Variants in CABIN1 observed in about 807,000 individuals in gnomAD.
CABIN1 encodes the protein calcineurin binding protein 1, also known as calcineurin-binding protein cabin-1.
Under a neutral mutation model 227.7 loss-of-function variants are expected in CABIN1, and 133 were observed. That is an observed-to-expected ratio of 0.58 (90% confidence interval 0.51 to 0.67). CABIN1 has a LOEUF of 0.67. Among genes scored for constraint, CABIN1 ranks in the 30% least tolerant of loss-of-function variants. The pLI is 0.00. For synonymous variants in CABIN1, 1,086 were observed against 1,155.1 expected, an observed-to-expected ratio of 0.94 and a Z score of 1.21; for missense variants, 2,408 against 2,852.5, an observed-to-expected ratio of 0.84 and a Z score of 3.55.
intron 29 of CABIN1, among the ~76,000 whole-genome samples, chr22:24,156,805 C>A (rs1402561220): frequency 2.6e-5 from 4 of 152,084 alleles, no homozygotes; most frequent in Non-Finnish European, 5.9e-5. Context: ...GCAGAGTTGG[C>A]GGCGGGGCTC....
chr22:24,125,377 A>T (rs1025697104), intron 28 of CABIN1, among the ~76,000 whole-genome samples: 1 of 152,108 alleles, frequency 6.6e-6, no homozygotes, highest in African/African-American at 2.4e-5. Context: ...CCCTGTTGTG[A>T]GTACAGTATC....
rs145485837 is a variant in CABIN1, at chr22:24,059,378, G to T, written c.1399+15G>T. 7 of 1,613,832 alleles carry T rather than the reference G, an allele frequency of 4.3e-6. No individual in the cohort carries two copies. The highest frequency in any genetic ancestry group is 3.3e-4 in the Middle Eastern group (2 of 6,080). ...CATGGAATCTGGTAGGAATCGAGCA[G>T]TGTGACCATTCACTTTGGGAATTCT... On this transcript the variant is annotated intron_variant, in intron 11 of 36. Transcript: ENST00000263119.
At chr22:24,093,688 G>T (rs1026876805) in intron 24 of CABIN1, among the ~76,000 whole-genome samples, 11 of 152,080 alleles carry the variant, frequency 7.2e-5, no homozygotes, top group African/African-American at 2.4e-4. Flanking sequence ...AGACTAGCGG[G>T]CAACATGATG....
intron 26 of CABIN1, among the ~76,000 whole-genome samples, chr22:24,111,653 T>C (rs2042814664): frequency 6.6e-6 from 1 of 152,232 alleles, no homozygotes. Context: ...GTGTTGAATA[T>C]CTCATGCAAG....
intron 34 of CABIN1, among the ~76,000 whole-genome samples, chr22:24,175,269 G>T (rs527819431): frequency 1.6e-4 from 25 of 152,234 alleles, no homozygotes; most frequent in Non-Finnish European, 2.5e-4. Flanking sequence ...GGCCATGGCC[G>T]CTGAGGCCTC....
At chr22:24,019,398 GGGATTACAGGCGTGAGCCTGTA>G (rs1280646973) in intron 1 of CABIN1, among the ~76,000 whole-genome samples, 1 of 151,598 alleles carries the variant, frequency 6.6e-6, no homozygotes, top group Non-Finnish European at 1.5e-5. Context: ...CCAAAGTGCT[GGGATTACAGGCGTGAGCCTGTA>G]ATTTTTGTAT....
chr22:24,084,420 ATTT>A (rs373405272), intron 20 of CABIN1, among the ~76,000 whole-genome samples, 156 bp from the exon 21 acceptor site: 1 of 145,576 alleles, frequency 6.9e-6, no homozygotes, highest in Admixed American at 6.9e-5. Context: ...TGTAGTGCAG[ATTT>A]TTTTTTTTTA....
intron 19 of CABIN1, among the ~76,000 whole-genome samples, chr22:24,079,420 A>G (rs1439308901): frequency 6.6e-6 from 1 of 151,170 alleles, no homozygotes; most frequent in Non-Finnish European, 1.5e-5. Flanking sequence ...AGATTCCTGT[A>G]AAAGGAACTA....
chr22:24,011,392 A>C (rs1489126909), intron 1 of CABIN1, 25 bp downstream of exon 1: 1 of 152,876 alleles, frequency 6.5e-6, no homozygotes, highest in African/African-American at 2.4e-5. Context: ...GGCTGGTTTG[A>C]AGGCGGTGCC....
In CABIN1 at chr22:24,178,130, G is replaced by T. The variant is rs1451989948; in HGVS notation, c.6597G>T (p.Glu2199Asp). Reference protein sequence around the residue: ...SLCQPALEVLETSSQESSLES... With the variant: ...SLCQPALEVLDTSSQESSLES... ...GCCAGCCAGCCCTGGAGGTCCTGGA[G>T]ACATCCAGCCAGGAGTCCTCGCTGG... Residue 2199 changes from glutamate (E) to aspartate (D), a missense_variant, in exon 37 of 37, where the codon GAG becomes GAT. By Grantham distance (45) the Glu-to-Asp change is conservative. Transcript: ENST00000263119. 6.2e-7 allele frequency: 1 copy of T among 1,613,706 alleles called. No homozygotes were observed. Among genetic ancestry groups the T allele is most frequent in the East Asian group, 2.2e-5 (1 of 44,886 alleles).
chr22:24,159,799 A>C (rs1330330644), intron 29 of CABIN1, among the ~76,000 whole-genome samples: 1 of 151,786 alleles, frequency 6.6e-6, no homozygotes, highest in Non-Finnish European at 1.5e-5. Flanking sequence ...TAATTATGAC[A>C]CCCTGAGGCA....
chr22:24,083,526 T>G (rs1178552771), intron 20 of CABIN1, 137 bp downstream of exon 20: 6 of 919,818 alleles, frequency 6.5e-6, no homozygotes, highest in Admixed American at 2.1e-5. Flanking sequence ...GACGGTCTGA[T>G]GAGTGTATCA....
intron 26 of CABIN1, among the ~76,000 whole-genome samples, chr22:24,110,020 G>C (rs575938715): frequency 1.3e-5 from 2 of 152,188 alleles, no homozygotes; most frequent in East Asian, 3.9e-4. Flanking sequence ...AAATAAAAAA[G>C]ATTAGCTGGG....
intron 22 of CABIN1, among the ~76,000 whole-genome samples, chr22:24,086,788 G>A (rs892003476): frequency 5.9e-5 from 9 of 152,180 alleles, no homozygotes; most frequent in South Asian, 2.1e-4. Flanking sequence ...AGTTTCTTTC[G>A]GGTGGTCTCA....
chr22:24,034,394 G>C (rs1197601464), intron 1 of CABIN1, among the ~76,000 whole-genome samples: 1 of 152,228 alleles, frequency 6.6e-6, no homozygotes, highest in Non-Finnish European at 1.5e-5. Context: ...TTAGCATAAT[G>C]TTTTCAAGGT....
chr22:24,074,411 C>A (rs943300435), intron 18 of CABIN1, among the ~76,000 whole-genome samples: 58 of 152,108 alleles, frequency 3.8e-4, no homozygotes, highest in African/African-American at 1.4e-3. Flanking sequence ...CTCTGCATGT[C>A]CCTCAGCAGG....
At chr22:24,096,158 T>G in intron 25 of CABIN1, 76 bp downstream of exon 25, 1 of 1,524,026 alleles carries the variant, frequency 6.6e-7, no homozygotes, top group Non-Finnish European at 9.1e-7. Context: ...CTGCAATGTG[T>G]TGTTCAGAGG....
At chr22:24,056,409 G>A (rs779432945) in intron 10 of CABIN1, 49 bp downstream of exon 10, 2 of 1,572,796 alleles carry the variant, frequency 1.3e-6, no homozygotes, top group East Asian at 2.2e-5. Context: ...CAAAGCTCCA[G>A]CATACACCAT....
At chr22:24,063,244 G>A in intron 14 of CABIN1, 98 bp downstream of exon 14, 1 of 1,191,628 alleles carries the variant, frequency 8.4e-7, no homozygotes, top group East Asian at 2.3e-5. Flanking sequence ...GTATGTGTGT[G>A]TGTGTGTGTG....
Sources: allele counts gnomAD v4.1 joint callset (sites outside exome capture counted in the v4.1 genomes callset), GRCh38; gene constraint gnomAD v4.1.1; transcripts MANE v1.5; gene names NCBI Gene and HGNC (gene_info 2026-07-23, HGNC 2026-07-21).